Variants in RHOU observed in about 807,000 individuals in gnomAD.
The protein encoded by RHOU is rho-related GTP-binding protein RhoU.
In RHOU, 8 loss-of-function variants were observed where a neutral mutation model predicts 12.6. The observed-to-expected ratio is 0.64, with a 90% CI of 0.37 to 1.15. The LOEUF is 1.15. Among genes scored for constraint, RHOU ranks in the 50% most tolerant of loss-of-function variants. The probability of loss-of-function intolerance (pLI) is 0.01; values close to 1 mark genes in which losing one functional copy is unlikely to be tolerated. For missense variants in RHOU, 258 were observed against 347.0 expected (o/e 0.74, Z 2.04); for synonymous variants, 161 against 147.4 (o/e 1.09, Z -0.67).
the RHOU span, among the ~76,000 whole-genome samples, chr1:228,703,254 CGG>C: frequency 3.8e-3 from 583 of 152,230 alleles, 4 homozygotes; most frequent in Middle Eastern, 0.031. Flanking sequence ...GGGCCAGGCG[CGG>C]CGTCTCACAT....
the RHOU span, among the ~76,000 whole-genome samples, chr1:228,726,005 A>C: frequency 1.3e-5 from 2 of 152,198 alleles, no homozygotes; most frequent in African/African-American, 4.8e-5. Context: ...AATAAATATA[A>C]ATAATAGCTA....
At chr1:228,706,283 T>C in the RHOU span, among the ~76,000 whole-genome samples, 1 of 152,160 alleles carries the variant, frequency 6.6e-6, no homozygotes, top group South Asian at 2.1e-4. Context: ...TTTAGAGATA[T>C]TAAATTTAAT....
At chr1:228,720,587 G>A in the RHOU span, among the ~76,000 whole-genome samples, 9 of 152,180 alleles carry the variant, frequency 5.9e-5, no homozygotes, top group Non-Finnish European at 1.2e-4. Context: ...CTGTGAAGAC[G>A]TGAGAAGAAG....
the RHOU span, among the ~76,000 whole-genome samples, chr1:228,680,302 C>T: frequency 1.3e-5 from 2 of 152,128 alleles, no homozygotes; most frequent in African/African-American, 4.8e-5. Flanking sequence ...GTCGGACAGT[C>T]TGACCTCCAG....
chr1:228,708,943 A>T, the RHOU span, among the ~76,000 whole-genome samples: 2 of 152,232 alleles, frequency 1.3e-5, no homozygotes, highest in African/African-American at 2.4e-5. Flanking sequence ...ACATAGGCTC[A>T]AAATAAAAGG....
chr1:228,667,530 G>C, the RHOU span, among the ~76,000 whole-genome samples: 1 of 152,176 alleles, frequency 6.6e-6, no homozygotes, highest in Non-Finnish European at 1.5e-5. Context: ...ACAGTTGCTT[G>C]GCCTGTGGGA....
the RHOU span, among the ~76,000 whole-genome samples, chr1:228,690,808 C>T: frequency 6.6e-5 from 10 of 151,492 alleles, 2 homozygotes; most frequent in Admixed American, 5.9e-4. Flanking sequence ...AGTAGAGACG[C>T]GGTTTCACCA....
At chr1:228,647,359 G>C in the RHOU span, among the ~76,000 whole-genome samples, 1 of 152,230 alleles carries the variant, frequency 6.6e-6, no homozygotes, top group Admixed American at 6.5e-5. Context: ...TTTGGCGGGA[G>C]CCGTGGTACC....
At chr1:228,688,354 C>A in the RHOU span, among the ~76,000 whole-genome samples, 3 of 152,166 alleles carry the variant, frequency 2.0e-5, no homozygotes, top group African/African-American at 7.2e-5. Context: ...CCTTCCACTG[C>A]CTCTTTCATG....
the RHOU span, among the ~76,000 whole-genome samples, chr1:228,679,000 CTG>C: frequency 2.0e-5 from 3 of 151,078 alleles, no homozygotes; most frequent in Non-Finnish European, 4.4e-5. Flanking sequence ...TGCACTTCGG[CTG>C]TGTGTAATGA....
At chr1:228,682,708 C>T in the RHOU span, among the ~76,000 whole-genome samples, 1 of 152,150 alleles carries the variant, frequency 6.6e-6, no homozygotes, top group African/African-American at 2.4e-5. Context: ...GAGGAAAAGG[C>T]AGATCAATAG....
chr1:228,718,407 G>C, the RHOU span, among the ~76,000 whole-genome samples: 143 of 152,266 alleles, frequency 9.4e-4, 1 homozygote, highest in Middle Eastern at 0.01. Flanking sequence ...AAAACAACAA[G>C]TTTATGTGAG....
chr1:228,687,131 G>A, the RHOU span, among the ~76,000 whole-genome samples: 1 of 152,122 alleles, frequency 6.6e-6, no homozygotes, highest in Non-Finnish European at 1.5e-5. Context: ...CTATTTGAGT[G>A]AACAATTGTT....
chr1:228,700,370 T>C, the RHOU span, among the ~76,000 whole-genome samples: 1 of 152,236 alleles, frequency 6.6e-6, no homozygotes, highest in Non-Finnish European at 1.5e-5. Context: ...AGCAGTTTCA[T>C]AAACCAGTCA....
chr1:228,713,953 T>G, the RHOU span, among the ~76,000 whole-genome samples: 1 of 151,830 alleles, frequency 6.6e-6, no homozygotes, highest in Admixed American at 6.6e-5. Context: ...GTCATGGAAG[T>G]CTTCTGTGTT....
At chr1:228,659,966 C>CAAA in the RHOU span, among the ~76,000 whole-genome samples, 1 of 76,712 alleles carries the variant, frequency 1.3e-5, no homozygotes, top group African/African-American at 4.8e-5. Context: ...AAAAAAAAAA[C>CAAA]AAAAAAAAAA....
rs988916493 is a variant in RHOU, at chr1:228,743,065, C to G, written c.322-220C>G. Among the ~76,000 whole-genome samples the G allele has an allele frequency of 2.5e-4, 38 of 152,138 alleles. No homozygotes were observed. The highest frequency in any genetic ancestry group is 8.7e-4 in the African/African-American group (36 of 41,422). On this transcript the variant is annotated intron_variant, in intron 2 of 2. Transcript: ENST00000366691. This position sits in a 1 kb window ranked among gnomAD's most constrained non-coding sequence, Gnocchi z 5.1. ...TTGAACATGTTTGGCAGTGTTCAGA[C>G]CATAGCTGGCCCTGAAAGCAGATGG...
chr1:228,691,864 G>A, the RHOU span, among the ~76,000 whole-genome samples: 2 of 152,104 alleles, frequency 1.3e-5, no homozygotes, highest in African/African-American at 2.4e-5. Context: ...CGTTTCAAAC[G>A]TTAACAAAGT....
chr1:228,735,684 G>T lies in RHOU; in HGVS notation c.-59G>T. The T allele has an allele frequency of 8.5e-7, 1 of 1,176,134 alleles. No homozygotes were observed. The highest frequency in any genetic ancestry group is 4.3e-5 in the South Asian group (1 of 23,422). The allele number at this position is 1,176,134 out of a possible 1,614,324, so 72.9% of individuals were successfully genotyped here. On this transcript the variant is annotated 5_prime_UTR_variant, in exon 1 of 3. Coordinates refer to ENST00000366691, the MANE Select transcript of RHOU (RefSeq NM_021205.6). The surrounding 1 kb of genome is among the most constrained non-coding windows in gnomAD (Gnocchi z 8.1). ...CTCCCTACCGCAACCCTCCGGGGCG[G>T]AGGGGCGGTCGGGCCGGGCCCTGCT... is the stretch of plus-strand genomic sequence containing the variant.
Sources: gnomAD v4.1 joint callset for allele counts (sites outside exome capture counted in the v4.1 genomes callset) on GRCh38, gnomAD v4.1.1 for gene constraint, Gnocchi (gnomAD v3.1) non-coding constraint, MANE v1.5 for transcripts, NCBI Gene and HGNC (gene_info 2026-07-23, HGNC 2026-07-21) for gene names.